The following MLLT10 variants were observed in gnomAD, a reference collection of about 807,000 sequenced individuals.
The protein encoded by MLLT10 is protein AF-10.
A neutral mutation model predicts 129.1 loss-of-function variants in MLLT10; 30 were observed. That is an observed-to-expected ratio of 0.23 (90% CI 0.17 to 0.32). The LOEUF (loss-of-function observed/expected upper bound fraction) is 0.32, where lower values mean the gene tolerates loss of function less well. MLLT10 is among the 10% of genes least tolerant of loss of function. The pLI is 1.00. For synonymous variants in MLLT10, 490 were observed against 446.4 expected, an observed-to-expected ratio of 1.10 and a Z score of -1.23; for missense variants, 1,119 against 1,268.3, an observed-to-expected ratio of 0.88 and a Z score of 1.79.
intron 9 of MLLT10, among the ~76,000 whole-genome samples, chr10:21,658,752 C>T (rs971404319): frequency 1.3e-5 from 2 of 152,096 alleles, no homozygotes; most frequent in African/African-American, 4.8e-5. Flanking sequence ...GCAGCCTCTG[C>T]CTCTTGGGTT....
At chr10:21,660,938 C>A (rs1217559430) in intron 9 of MLLT10, among the ~76,000 whole-genome samples, 1 of 150,346 alleles carries the variant, frequency 6.7e-6, no homozygotes, top group Non-Finnish European at 1.5e-5. Flanking sequence ...TCATTCAGTG[C>A]GATAAATTCC....
At chr10:21,599,486 C>A (rs2043320932) in intron 5 of MLLT10, among the ~76,000 whole-genome samples, 1 of 152,176 alleles carries the variant, frequency 6.6e-6, no homozygotes. Flanking sequence ...TCTAGCCCAA[C>A]AAAACAGGGT....
At chr10:21,634,848 A>G (rs1365373282) in intron 8 of MLLT10, among the ~76,000 whole-genome samples, 4 of 152,208 alleles carry the variant, frequency 2.6e-5, no homozygotes, top group Admixed American at 6.5e-5. Context: ...CATTTGGCCA[A>G]TGGGAGTCCT....
intron 3 of MLLT10, among the ~76,000 whole-genome samples, chr10:21,552,388 C>CTTTTTTTTTTTTTTTTTTTTTTTTTTGTT (rs1225893534): frequency 8.9e-6 from 1 of 112,094 alleles, no homozygotes; most frequent in Admixed American, 8.9e-5. Context: ...CTTCTTATTG[C>CTTTTTTTTTTTTTTTTTTTTTTTTTTGTT]TTTTTTTTTT....
chr10:21,635,583 C>T (rs958276745), intron 8 of MLLT10, among the ~76,000 whole-genome samples: 57 of 152,082 alleles, frequency 3.7e-4, no homozygotes, highest in Non-Finnish European at 2.1e-4. Flanking sequence ...CCAGGCTGGT[C>T]TCAAACTCCT....
chr10:21,726,488 C>G, intron 15 of MLLT10, 133 bp downstream of exon 15: 1 of 533,614 alleles, frequency 1.9e-6, no homozygotes. Context: ...AAAAAATATT[C>G]ACAGTTGGAA....
chr10:21,567,137 T>A (rs2039677154), intron 3 of MLLT10, among the ~76,000 whole-genome samples: 1 of 152,106 alleles, frequency 6.6e-6, no homozygotes, highest in South Asian at 2.1e-4. Context: ...GTATCACAAA[T>A]AACTTTTGAT....
chr10:21,665,308 G>GC (rs942880017), intron 9 of MLLT10, among the ~76,000 whole-genome samples: 6 of 136,528 alleles, frequency 4.4e-5, no homozygotes, highest in Non-Finnish European at 7.9e-5. Flanking sequence ...TTTTGGGGGG[G>GC]GGGGGGTTTC....
At chr10:21,610,034 A>G (rs1237689050) in intron 5 of MLLT10, among the ~76,000 whole-genome samples, 1 of 152,128 alleles carries the variant, frequency 6.6e-6, no homozygotes, top group Non-Finnish European at 1.5e-5. Flanking sequence ...TTAAGTGTAC[A>G]CCCTCTGCCC....
intron 8 of MLLT10, among the ~76,000 whole-genome samples, chr10:21,618,906 T>C (rs2045532181): frequency 6.6e-6 from 1 of 152,110 alleles, no homozygotes; most frequent in South Asian, 2.1e-4. Flanking sequence ...CTAATTTATT[T>C]GTATTTTTAG....
At chr10:21,677,995 G>A (rs1405889152) in intron 11 of MLLT10, among the ~76,000 whole-genome samples, 3 of 152,214 alleles carry the variant, frequency 2.0e-5, no homozygotes, top group Non-Finnish European at 2.9e-5. Flanking sequence ...TAGTTGTCTC[G>A]TGAGTGTATG....
intron 13 of MLLT10, among the ~76,000 whole-genome samples, chr10:21,702,266 C>A (rs979217610): frequency 4.6e-5 from 7 of 152,018 alleles, no homozygotes; most frequent in African/African-American, 1.4e-4. Flanking sequence ...TTCCTAAGTT[C>A]CTCTTTGTGT....
intron 3 of MLLT10, among the ~76,000 whole-genome samples, chr10:21,584,935 T>C (rs1356579042): frequency 6.6e-6 from 1 of 151,724 alleles, no homozygotes. Flanking sequence ...TTTGTTTTTT[T>C]TGAGATAGGG....
chr10:21,629,261 G>A (rs1311556815), intron 8 of MLLT10, among the ~76,000 whole-genome samples: 2 of 151,836 alleles, frequency 1.3e-5, no homozygotes, highest in African/African-American at 4.8e-5. Context: ...TTCTTTTTCT[G>A]ACTAAATGTC....
intron 9 of MLLT10, among the ~76,000 whole-genome samples, chr10:21,658,688 G>C (rs557956991): frequency 1.3e-5 from 2 of 152,056 alleles, no homozygotes; most frequent in African/African-American, 4.8e-5. Context: ...TATGTGTGAC[G>C]GAGTCTCGCT....
chr10:21,616,753 T>C (rs751607263), intron 7 of MLLT10, among the ~76,000 whole-genome samples: 6 of 152,088 alleles, frequency 3.9e-5, no homozygotes, highest in Non-Finnish European at 8.8e-5. Flanking sequence ...ATATTTACCT[T>C]TCTATTCTTC....
chr10:21,603,925 C>G (rs1323078322), intron 5 of MLLT10, among the ~76,000 whole-genome samples: 1 of 151,722 alleles, frequency 6.6e-6, no homozygotes, highest in African/African-American at 2.4e-5. Flanking sequence ...ATTAGGAGAC[C>G]AGTCATATTG....
At chr10:21,667,518 CTG>C (rs1202085387) in intron 9 of MLLT10, among the ~76,000 whole-genome samples, 3 of 149,668 alleles carry the variant, frequency 2.0e-5, no homozygotes, top group East Asian at 2.0e-4. Context: ...CTACAGCTCA[CTG>C]TTTTTTTTTT....
intron 13 of MLLT10, among the ~76,000 whole-genome samples, chr10:21,702,335 T>C (rs763348596): frequency 1.3e-5 from 2 of 152,218 alleles, no homozygotes; most frequent in Non-Finnish European, 2.9e-5. Flanking sequence ...TTTTGATTTT[T>C]AAAGATTTGT....
Sources: gnomAD v4.1 joint callset for allele counts (sites outside exome capture counted in the v4.1 genomes callset) on GRCh38, gnomAD v4.1.1 for gene constraint, MANE v1.5 for transcripts, NCBI Gene and HGNC (gene_info 2026-07-23, HGNC 2026-07-21) for gene names.